The following ADGRB1 variants were observed in gnomAD, a reference collection of about 807,000 sequenced individuals.
ADGRB1 encodes the protein adhesion G protein-coupled receptor B1, also known as brain-specific angiogenesis inhibitor 1.
Under a neutral mutation model 175.7 loss-of-function variants are expected in ADGRB1, and 36 were observed. The observed-to-expected ratio is 0.20, with a 90% CI of 0.16 to 0.27. The LOEUF (loss-of-function observed/expected upper bound fraction) is 0.27, where lower values mean the gene tolerates loss of function less well. ADGRB1 is among the 10% of genes least tolerant of loss of function. The pLI is 1.00. For missense variants in ADGRB1, 1,731 were observed against 2,255.3 expected (o/e 0.77, Z 4.71); for synonymous variants, 1,054 against 979.4 (o/e 1.08, Z -1.42).
At chr8:142,541,843 C>G in intron 27 of ADGRB1, 98 bp from the exon 28 acceptor site, 1 of 1,299,702 alleles carries the variant, frequency 7.7e-7, no homozygotes, top group Non-Finnish European at 1.0e-6. Context: ...GAGGTGGCGG[C>G]CTCGCAGGGC....
intron 17 of ADGRB1, among the ~76,000 whole-genome samples, chr8:142,495,561 A>G (rs1842175068): frequency 1.3e-5 from 2 of 152,156 alleles, no homozygotes; most frequent in African/African-American, 4.8e-5. Context: ...CAAAGGCTCT[A>G]GGAAAGATTC....
chr8:142,530,163 G>A (rs1349528313), intron 24 of ADGRB1, among the ~76,000 whole-genome samples: 1 of 152,122 alleles, frequency 6.6e-6, no homozygotes, highest in African/African-American at 2.4e-5. Flanking sequence ...GCCTGTGTGT[G>A]CGTGTGTGTG....
At position 142,518,209 on chromosome 8, in the gene ADGRB1, C is replaced by G; in HGVS notation, c.2889C>G (p.Leu963=). 6 of 1,613,796 alleles carry G rather than the reference C, an allele frequency of 3.7e-6. No homozygotes were observed. Among genetic ancestry groups the G allele is most frequent in the South Asian group, 1.1e-5 (1 of 91,088 alleles). ...VGCGVSSLTL[L]MLVIIYVSVW... ...GTGGCGTGTCCTCTCTCACCCTGCT[C>G]ATGCTGGTCATCATCTACGTGTCCG... Residue 963 remains leucine (L), a synonymous_variant, in exon 19 of 31, where the codon CTC becomes CTG. Transcript: ENST00000517894.
intron 17 of ADGRB1, among the ~76,000 whole-genome samples, chr8:142,500,955 G>A (rs1241926858): frequency 6.6e-6 from 1 of 152,182 alleles, no homozygotes; most frequent in African/African-American, 2.4e-5. Context: ...GCTGGTGATG[G>A]TGGTGGCCGT....
intron 2 of ADGRB1, among the ~76,000 whole-genome samples, chr8:142,472,970 G>A (rs1840746448): frequency 1.3e-5 from 2 of 152,112 alleles, no homozygotes; most frequent in Non-Finnish European, 2.9e-5. Flanking sequence ...CATCCTCTGG[G>A]CCAGTGTCCC....
chr8:142,463,665 G>A (rs1411255193), intron 1 of ADGRB1, among the ~76,000 whole-genome samples: 1 of 152,260 alleles, frequency 6.6e-6, no homozygotes, highest in African/African-American at 2.4e-5. Context: ...GCCAGGCTGC[G>A]TGGGCAAAGG....
chr8:142,542,744 G>T lies in ADGRB1; in HGVS notation c.4413+97G>T. On this transcript the variant is annotated intron_variant, in intron 28 of 30. Transcript: ENST00000517894. This position sits in a 1 kb window ranked among gnomAD's most constrained non-coding sequence, Gnocchi z 6.3. Reference sequence around the variant, plus strand: ...GGGTGGGACCCCCACGCCGTCAGCGGGGCGGGCTGGCTCTGCCTCCTAGCT... The same window carrying T: ...GGGTGGGACCCCCACGCCGTCAGCGTGGCGGGCTGGCTCTGCCTCCTAGCT... 2.5e-6 allele frequency: 3 copies of T among 1,192,286 alleles called. No individual in the cohort carries two copies. 73.9% of individuals were successfully genotyped at this position (1,192,286 alleles called of 1,614,324 possible).
intron 17 of ADGRB1, among the ~76,000 whole-genome samples, chr8:142,491,305 G>T (rs530021748): frequency 1.3e-5 from 2 of 152,264 alleles, no homozygotes; most frequent in African/African-American, 4.8e-5. Flanking sequence ...TGCAGGCCAA[G>T]CACTTGTTGG....
rs966348985 is a variant in ADGRB1, at chr8:142,529,554, ATG to A, written c.3398+2934_3398+2935del. On this transcript the variant is annotated intron_variant, in intron 24 of 30. Transcript: ENST00000517894. ...CCTTGATGTGTGCAAGCATGCATCTATGTGTGTGAGTGCAACCCACTGTGCAT... is the reference window on the plus strand; with the variant it reads ...CCTTGATGTGTGCAAGCATGCATCTATGTGTGAGTGCAACCCACTGTGCAT... Among the ~76,000 whole-genome samples the A allele has an allele frequency of 2.3e-3, 345 of 151,814 alleles. 1 individual carries two copies. Among genetic ancestry groups the A allele is most frequent in the African/African-American group, 7.6e-3 (312 of 41,320 alleles).
At chr8:142,512,317 C>T (rs1170814772) in intron 18 of ADGRB1, among the ~76,000 whole-genome samples, 1 of 152,198 alleles carries the variant, frequency 6.6e-6, no homozygotes, top group African/African-American at 2.4e-5. Context: ...AGGCAGCAGT[C>T]TGAAGGGCCA....
intron 21 of ADGRB1, among the ~76,000 whole-genome samples, chr8:142,522,429 A>G (rs1843904962): frequency 6.6e-6 from 1 of 152,180 alleles, no homozygotes; most frequent in Non-Finnish European, 1.5e-5. Flanking sequence ...CGGGCACCCT[A>G]TGTGTTCTCT....
In ADGRB1 at chr8:142,477,460, C is replaced by A. The variant is rs764588354; in HGVS notation, c.1298C>A (p.Thr433Lys). The change falls in exon 6 of 31, where the codon ACG becomes AAG. Residue 433 changes from threonine (T) to lysine (K), a missense_variant. Transcript: ENST00000517894. ...STCGRGFRDR[T>K]RTCRPPQFGG... Reference sequence around the variant, plus strand: ...TGTGGCCGTGGCTTTCGGGATCGCACGCGCACCTGCAGGCCCCCCCAGTTT... The same window carrying A: ...TGTGGCCGTGGCTTTCGGGATCGCAAGCGCACCTGCAGGCCCCCCCAGTTT... The A allele has an allele frequency of 5.0e-6, 8 of 1,612,668 alleles. No homozygotes were observed. Among genetic ancestry groups the A allele is most frequent in the Non-Finnish European group, 6.8e-6 (8 of 1,179,834 alleles).
intron 2 of ADGRB1, among the ~76,000 whole-genome samples, chr8:142,472,227 C>T (rs1448035693): frequency 1.3e-5 from 2 of 152,154 alleles, no homozygotes; most frequent in Non-Finnish European, 2.9e-5. Flanking sequence ...GTGGGGAGCT[C>T]ACAGCCTCCA....
chr8:142,505,814 G>A (rs1211676759), intron 17 of ADGRB1, among the ~76,000 whole-genome samples: 1 of 152,216 alleles, frequency 6.6e-6, no homozygotes, highest in Non-Finnish European at 1.5e-5. Context: ...AGTAGCCAGG[G>A]GCACGGGTGG....
In ADGRB1 at chr8:142,542,560, C is replaced by T. The variant is rs746416923; in HGVS notation, c.4326C>T (p.Pro1442=). Residue 1442 remains proline, a synonymous_variant, in exon 28 of 31, where the codon CCC becomes CCT. Transcript: ENST00000517894. This position sits in a 1 kb window ranked among gnomAD's most constrained non-coding sequence, Gnocchi z 6.3. The stretch of plus-strand genomic sequence containing the variant: ...CGGCACCCCCCAGCCTGGGGGATCC[C>T]GGGGAGCCTGCCGCCCATCCGGGAC... ...LEPAPPSLGD[P]GEPAAHPGPS... is the part of the protein sequence containing the mutation. 3.9e-5 allele frequency: 60 copies of T among 1,528,472 alleles called. No homozygotes were observed. The highest frequency in any genetic ancestry group is 1.9e-4 in the South Asian group (16 of 82,776). 94.7% of individuals were successfully genotyped at this position (1,528,472 alleles called of 1,614,324 possible). A position where few individuals can be genotyped will look rare whatever the true frequency, so the allele number is the denominator to read the frequency against.
chr8:142,526,755 G>A (rs957344437), intron 24 of ADGRB1, 128 bp downstream of exon 24: 7 of 913,250 alleles, frequency 7.7e-6, no homozygotes, highest in Non-Finnish European at 1.2e-5. Context: ...CGGAGCGGGT[G>A]GGAAACGGAG....
At chr8:142,521,475 G>A (rs530099230) in intron 20 of ADGRB1, among the ~76,000 whole-genome samples, 4 of 152,216 alleles carry the variant, frequency 2.6e-5, no homozygotes, top group Non-Finnish European at 4.4e-5. Context: ...AAGGGGCCAC[G>A]CTGACAATCT....
At chr8:142,503,680 C>T (rs1842732518) in intron 17 of ADGRB1, among the ~76,000 whole-genome samples, 1 of 152,166 alleles carries the variant, frequency 6.6e-6, no homozygotes. Context: ...ACTTCTCTGC[C>T]AGGCTGGGCA....
chr8:142,451,068 G>A (rs898332136), intron 1 of ADGRB1, among the ~76,000 whole-genome samples: 1 of 152,192 alleles, frequency 6.6e-6, no homozygotes, highest in Non-Finnish European at 1.5e-5. Flanking sequence ...TCCTGGGGAG[G>A]CTGGGAGCTC....
Sources: gnomAD v4.1 joint callset for allele counts (sites outside exome capture counted in the v4.1 genomes callset) on GRCh38, gnomAD v4.1.1 for gene constraint, Gnocchi (gnomAD v3.1) non-coding constraint, MANE v1.5 for transcripts, NCBI Gene and HGNC (gene_info 2026-07-23, HGNC 2026-07-21) for gene names.